Variants in ADGRL2 observed in about 807,000 individuals in gnomAD.
The protein encoded by ADGRL2 is calcium-independent alpha-latrotoxin receptor 2.
A neutral mutation model predicts 157.4 loss-of-function variants in ADGRL2; 44 were observed. That is an observed-to-expected ratio of 0.28 (90% CI 0.22 to 0.36). The LOEUF is 0.36. Among genes scored for constraint, ADGRL2 ranks in the 10% least tolerant of loss-of-function variants. The pLI, the probability that ADGRL2 is intolerant of heterozygous loss-of-function variation, is 1.00. For synonymous variants in ADGRL2, 585 were observed against 624.7 expected, an observed-to-expected ratio of 0.94 and a Z score of 0.95; for missense variants, 1,510 against 1,768.9, an observed-to-expected ratio of 0.85 and a Z score of 2.63.
chr1:81,476,368 T>A (rs1293650936), intron 2 of ADGRL2, among the ~76,000 whole-genome samples: 2 of 152,058 alleles, frequency 1.3e-5, no homozygotes, highest in Non-Finnish European at 2.9e-5. Flanking sequence ...GCAGCAAAAA[T>A]TGTGAGGAGT....
At chr1:81,455,789 C>A (rs140895122) in intron 2 of ADGRL2, among the ~76,000 whole-genome samples, 3 of 152,168 alleles carry the variant, frequency 2.0e-5, no homozygotes, top group East Asian at 1.9e-4. Context: ...GAATTTGAAA[C>A]GTGAAAGACA....
Position 81,354,975 on chromosome 1 carries a change from A to G in ADGRL2, c.-302+48466A>G, listed in dbSNP as rs74452353. 3.3e-3 allele frequency among the ~76,000 whole-genome samples: 501 copies of G among 152,348 alleles called. 1 individual carries two copies. The highest frequency in any genetic ancestry group is 0.017 in the Middle Eastern group (5 of 294). ...CAAAGGATGTAAAAAATAGACTTTC[A>G]GAAAAGCAACTGTATAGGAAAAAAA... On this transcript the variant is annotated intron_variant, in intron 1 of 24. Coordinates refer to the ADGRL2 transcript ENST00000370721.
chr1:81,624,247 G>C (rs988616644), intron 3 of ADGRL2, among the ~76,000 whole-genome samples: 4 of 152,108 alleles, frequency 2.6e-5, no homozygotes, highest in African/African-American at 9.7e-5. Context: ...TGAAACTTAG[G>C]TTGGTGCAAA....
chr1:81,970,631 C>T (rs1370963572), intron 16 of ADGRL2, 97 bp downstream of exon 16: 1 of 850,200 alleles, frequency 1.2e-6, no homozygotes, highest in East Asian at 2.7e-5. Flanking sequence ...AAAATAGCAT[C>T]TGAAAGCTTT....
At chr1:81,416,790 G>A (rs1238258086) in intron 1 of ADGRL2, among the ~76,000 whole-genome samples, 1 of 152,142 alleles carries the variant, frequency 6.6e-6, no homozygotes, top group African/African-American at 2.4e-5. Flanking sequence ...GGTCAGTGGT[G>A]CCAAGTAGTC....
At chr1:81,410,510 G>T (rs528824019) in intron 1 of ADGRL2, among the ~76,000 whole-genome samples, 3 of 152,298 alleles carry the variant, frequency 2.0e-5, no homozygotes, top group African/African-American at 7.2e-5. Flanking sequence ...AATTAGGTCA[G>T]ACCAGAAGAA....
chr1:81,444,659 G>A (rs1017014035), intron 1 of ADGRL2, among the ~76,000 whole-genome samples: 1 of 152,168 alleles, frequency 6.6e-6, no homozygotes, highest in African/African-American at 2.4e-5. Flanking sequence ...AAGTAAGCAG[G>A]TGGCATCAAT....
At chr1:81,432,095 T>A (rs543412987) in intron 1 of ADGRL2, among the ~76,000 whole-genome samples, 1 of 152,354 alleles carries the variant, frequency 6.6e-6, no homozygotes. Context: ...TTATTGCTGT[T>A]GAATCTGTCA....
At chr1:81,565,509 T>A (rs1303195140) in intron 2 of ADGRL2, among the ~76,000 whole-genome samples, 1 of 152,162 alleles carries the variant, frequency 6.6e-6, no homozygotes, top group East Asian at 1.9e-4. Flanking sequence ...AAGAGGCACT[T>A]GTGTTTTTGA....
intron 3 of ADGRL2, among the ~76,000 whole-genome samples, chr1:81,617,047 A>G (rs1384676939): frequency 2.0e-5 from 3 of 152,134 alleles, no homozygotes; most frequent in Non-Finnish European, 4.4e-5. Context: ...AGTCTATATG[A>G]TGATACATAG....
chr1:81,637,643 TTG>T (rs1370439309), intron 3 of ADGRL2, among the ~76,000 whole-genome samples: 1 of 152,232 alleles, frequency 6.6e-6, no homozygotes, highest in African/African-American at 2.4e-5. Context: ...TTGTAAAATA[TTG>T]TTTTATATTC....
intron 2 of ADGRL2, among the ~76,000 whole-genome samples, chr1:81,573,301 G>A (rs1220274905): frequency 2.0e-5 from 3 of 152,022 alleles, no homozygotes; most frequent in Non-Finnish European, 4.4e-5. Flanking sequence ...ACGAGTAGAT[G>A]AAGCAAACTG....
intron 16 of ADGRL2, among the ~76,000 whole-genome samples, chr1:81,970,924 T>C (rs1558025568): frequency 6.6e-6 from 1 of 152,162 alleles, no homozygotes; most frequent in African/African-American, 2.4e-5. Flanking sequence ...CCTCTATAGC[T>C]AACTCTCATT....
chr1:81,765,666 C>G (rs997573833), intron 2 of ADGRL2, among the ~76,000 whole-genome samples: 2 of 151,908 alleles, frequency 1.3e-5, no homozygotes, highest in Non-Finnish European at 2.9e-5. Context: ...ATTTCCAATT[C>G]TGGTTGTACT....
At chr1:81,557,090 C>G in intron 2 of ADGRL2, 1 of 181,960 alleles carries the variant, frequency 5.5e-6, no homozygotes, top group Non-Finnish European at 1.3e-5. Context: ...GCAGCCCACT[C>G]TCAGGCTGAC....
At chr1:81,493,156 G>C (rs777229744) in intron 2 of ADGRL2, among the ~76,000 whole-genome samples, 2 of 152,158 alleles carry the variant, frequency 1.3e-5, no homozygotes, top group Non-Finnish European at 2.9e-5. Context: ...CAACAGGTTT[G>C]TGAAATGTAT....
intron 2 of ADGRL2, among the ~76,000 whole-genome samples, chr1:81,868,360 A>G (rs1293016957): frequency 6.6e-6 from 1 of 151,962 alleles, no homozygotes; most frequent in African/African-American, 2.4e-5. Context: ...TTTATTCCCC[A>G]TAGCTTAGCA....
At chr1:81,654,020 A>G (rs988771348) in intron 3 of ADGRL2, among the ~76,000 whole-genome samples, 1 of 152,086 alleles carries the variant, frequency 6.6e-6, no homozygotes, top group Non-Finnish European at 1.5e-5. Context: ...ATCTGGGCTC[A>G]CTGCAACCTC....
At chr1:81,356,894 A>G (rs1269275162) in intron 1 of ADGRL2, among the ~76,000 whole-genome samples, 2 of 143,910 alleles carry the variant, frequency 1.4e-5, no homozygotes, top group African/African-American at 5.1e-5. Flanking sequence ...CGGAGCTTGC[A>G]GTGAGCAGAG....
Sources: gnomAD v4.1 joint callset for allele counts (sites outside exome capture counted in the v4.1 genomes callset) on GRCh38, gnomAD v4.1.1 for gene constraint, MANE v1.5 for transcripts, NCBI Gene and HGNC (gene_info 2026-07-23, HGNC 2026-07-21) for gene names.